Variants in APOB observed in about 807,000 individuals in gnomAD.
The protein encoded by APOB is apolipoprotein B.
In APOB, 153 loss-of-function variants were observed where a neutral mutation model predicts 314.1. That is an observed-to-expected ratio of 0.49 (90% confidence interval 0.43 to 0.56). The LOEUF (loss-of-function observed/expected upper bound fraction) is 0.56. Ranked by LOEUF, APOB falls within the 20% of genes least tolerant of loss-of-function variation. The pLI is 0.00. For synonymous variants in APOB, 2,087 were observed against 2,036.4 expected, an observed-to-expected ratio of 1.02 and a Z score of -0.67; for missense variants, 5,430 against 5,350.7, an observed-to-expected ratio of 1.01 and a Z score of -0.46.
At chr2:21,036,237 G>A (rs1029027210) in intron 6 of APOB, among the ~76,000 whole-genome samples, 7 of 152,174 alleles carry the variant, frequency 4.6e-5, no homozygotes, top group Non-Finnish European at 1.0e-4. Flanking sequence ...AGCATCCTGA[G>A]GGGAAGGTCC....
intron 19 of APOB, 133 bp from the exon 20 acceptor site, chr2:21,019,246 T>A: frequency 1.7e-6 from 2 of 1,200,416 alleles, no homozygotes; most frequent in Non-Finnish European, 2.4e-6. Flanking sequence ...TGCCCTTAAC[T>A]AAGATGATCT....
At chr2:21,037,054 A>G (rs1440103146) in intron 6 of APOB, 46 bp downstream of exon 6, 1 of 1,612,854 alleles carries the variant, frequency 6.2e-7, no homozygotes, top group Non-Finnish European at 8.5e-7. Flanking sequence ...TGTATTAATA[A>G]GAGGATGCTC....
rs752032737 is a variant in APOB, at chr2:21,032,364, C to T, written c.1342G>A (p.Ala448Thr). The T allele has an allele frequency of 1.6e-5, 26 of 1,613,212 alleles. No individual in the cohort carries two copies. The East Asian group carries it at 2.7e-4, about 17-fold the overall frequency. The change falls in exon 10 of 29, where the codon GCG becomes ACG. Residue 448 changes from alanine (A) to threonine (T), a missense_variant. Physicochemically the swap from Ala to Thr is moderately conservative, Grantham distance 58 (BLOSUM62 0). Transcript: ENST00000233242. ...AGTGTGGAAACTCACTTGTTGACCGCGTGGCTCAGCGCATACAAGGTGGCT... is the reference window on the plus strand; with the variant it reads ...AGTGTGGAAACTCACTTGTTGACCGTGTGGCTCAGCGCATACAAGGTGGCT... The part of the protein sequence containing the change: ...SRATLYALSH[A>T]VNNYHKTNPT...
chr2:21,008,226 A>G lies in APOB; in HGVS notation c.8642T>C (p.Leu2881Pro), dbSNP rs1164472785. ...GTATTTAGTGTTGCTATCCAGGGTAAGCTGATTGTTTATCTTGACAATCAC... is the reference window on the plus strand; with the variant it reads ...GTATTTAGTGTTGCTATCCAGGGTAGGCTGATTGTTTATCTTGACAATCAC... ...NGVIVKINNQLTLDSNTKYFH... is the reference protein window; with the variant it reads ...NGVIVKINNQPTLDSNTKYFH... Residue 2881 changes from leucine to proline, a missense_variant, in exon 26 of 29, where the codon CTT becomes CCT. By Grantham distance (98) the Leu-to-Pro change is moderately conservative. Transcript: ENST00000233242. 1 of 1,613,964 alleles carries G rather than the reference A, an allele frequency of 6.2e-7. No individual in the cohort carries two copies. The highest frequency in any genetic ancestry group is 8.5e-7 in the Non-Finnish European group (1 of 1,179,972).
Position 21,002,957 on chromosome 2 carries a change from C to T in APOB, c.12465G>A (p.Leu4155=), listed in dbSNP as rs751630885. ...AACTGGCTTGGCCTTCCTGAGTCAACAGTTCCTGGTACAGATTCTGGGCCT... is the reference window on the plus strand; with the variant it reads ...AACTGGCTTGGCCTTCCTGAGTCAATAGTTCCTGGTACAGATTCTGGGCCT... ...KDKAQNLYQE[L]LTQEGQASFQ... is the part of the protein sequence containing the mutation. Residue 4155 remains leucine (L), a synonymous_variant, in exon 29 of 29, where the codon CTG becomes CTA. Coordinates refer to ENST00000233242, the MANE Select transcript of APOB (RefSeq NM_000384.3). The T allele has an allele frequency of 1.9e-6, 3 of 1,609,588 alleles. No individual in the cohort carries two copies. The highest frequency in any genetic ancestry group is 2.7e-5 in the African/African-American group (2 of 74,954).
chr2:21,023,391 A>G, intron 17 of APOB, 134 bp downstream of exon 17: 1 of 1,093,188 alleles, frequency 9.1e-7, no homozygotes. Context: ...TTTTCATAAA[A>G]AAATAATGAG....
Position 21,001,797 on chromosome 2 carries a change from A to G in APOB, c.13625T>C (p.Leu4542Pro). 1 of 1,614,072 alleles carries G rather than the reference A, an allele frequency of 6.2e-7. No individual in the cohort carries two copies. The highest frequency in any genetic ancestry group is 1.1e-5 in the South Asian group (1 of 91,078). ...LIYITELLKK[L>P]QSTTVMNPYM... ...GGGGTTCATGACTGTGGTTGATTGC[A>G]GCTTTTTCAGTAACTCCGTGATGTA... Residue 4542 changes from leucine (L) to proline (P), a missense_variant, in exon 29 of 29, where the codon CTG becomes CCG. Physicochemically the swap from Leu to Pro is moderately conservative, Grantham distance 98. Transcript: ENST00000233242.
rs1318539502 is a variant in APOB, at chr2:21,040,968, T to C, written c.353A>G (p.Asn118Ser). Residue 118 changes from asparagine to serine, a missense_variant, in exon 4 of 29, where the codon AAC (asparagine) becomes AGC (serine). By Grantham distance (46) the Asn-to-Ser change is conservative (BLOSUM62 1). Transcript: ENST00000233242. ...EGKALLKKTK[N>S]SEEFAAAMSR... The stretch of plus-strand genomic sequence containing the variant: ...CATGGCTGCAGCAAACTCCTCAGAG[T>C]TCTTGGTTTTCTTCAGCAAGGCTTT... 1 of 1,613,816 alleles carries C rather than the reference T, an allele frequency of 6.2e-7. No homozygotes were observed. Among genetic ancestry groups the C allele is most frequent in the Non-Finnish European group, 8.5e-7 (1 of 1,179,954 alleles).
At chr2:21,019,987 C>T (rs185474731) in intron 18 of APOB, 82 bp from the exon 19 acceptor site, 5 of 1,256,998 alleles carry the variant, frequency 4.0e-6, no homozygotes, top group South Asian at 1.2e-5. Flanking sequence ...TGCAAATACC[C>T]CCTTATCCTC....
chr2:21,008,896 T>C lies in APOB; in HGVS notation c.7972A>G (p.Ile2658Val). The C allele has an allele frequency of 6.2e-7, 1 of 1,614,054 alleles. No homozygotes were observed. The highest frequency in any genetic ancestry group is 8.5e-7 in the Non-Finnish European group (1 of 1,179,934). Residue 2658 changes from isoleucine (I) to valine (V), a missense_variant, in exon 26 of 29, where the codon ATT (isoleucine) becomes GTT (valine). Ile to Val is a conservative substitution (Grantham distance 29). Around this residue, in one of 3 missense-constraint regions of APOB, gnomAD observed 3,281 missense variants for 3,171.0 expected, o/e 1.03. Coordinates refer to ENST00000233242, the MANE Select transcript of APOB (RefSeq NM_000384.3). ...PEFTILNTFH[I>V]PSFTIDFVEM... is the part of the protein sequence containing the mutation. ...ACAAAGTCAATTGTAAAGGAAGGAA[T>C]GTGGAAGGTGTTAAGGATGGTAAAT...
Position 21,043,989 on chromosome 2 carries a change from G to T in APOB, c.-44C>A. 1 of 1,059,494 alleles carries T rather than the reference G, an allele frequency of 9.4e-7. No homozygotes were observed. Among genetic ancestry groups the T allele is most frequent in the Non-Finnish European group, 1.2e-6 (1 of 833,882 alleles). 65.6% of individuals were successfully genotyped at this position (1,059,494 alleles called of 1,614,324 possible). On this transcript the variant is annotated 5_prime_UTR_variant, in exon 1 of 29. Coordinates refer to ENST00000233242, the MANE Select transcript of APOB (RefSeq NM_000384.3). ...GGCTCCTGGGCTGCGGCCTGGCCTC[G>T]GCCTCGCGGCCCTGGCTGGCTGGGC...
intron 20 of APOB, among the ~76,000 whole-genome samples, chr2:21,017,043 A>G (rs1012679899): frequency 1.5e-4 from 10 of 68,064 alleles, no homozygotes; most frequent in Non-Finnish European, 3.5e-4. Context: ...ATAAATAAAT[A>G]AAGAAGCTAT....
chr2:21,022,939 G>T lies in APOB; in HGVS notation c.2708C>A (p.Thr903Asn). 2 of 1,614,146 alleles carry T rather than the reference G, an allele frequency of 1.2e-6. No individual in the cohort carries two copies. Among genetic ancestry groups the T allele is most frequent in the East Asian group, 2.2e-5 (1 of 44,890 alleles). ...DFARSGVQMN[T>N]NFFHESGLEA... ...CAGACCCGACTCGTGGAAGAAGTTGGTGTTCATCTGGACCCCACTCCTAGC... is the reference window on the plus strand; with the variant it reads ...CAGACCCGACTCGTGGAAGAAGTTGTTGTTCATCTGGACCCCACTCCTAGC... The change falls in exon 18 of 29, where the codon ACC becomes AAC. Residue 903 changes from threonine (T) to asparagine (N), a missense_variant. Transcript: ENST00000233242.
rs767507109 is a variant in APOB at position 21,027,836 on chromosome 2, G to A, written c.2059C>T (p.Leu687Phe). 6.2e-6 allele frequency: 10 copies of A among 1,612,100 alleles called. No homozygotes were observed. In the South Asian group the frequency reaches 9.9e-5, roughly 16 times the overall value. Residue 687 changes from leucine (L) to phenylalanine (F), a missense_variant, in exon 14 of 29, where the codon CTC (leucine) becomes TTC (phenylalanine). Physicochemically the swap from Leu to Phe is conservative, Grantham distance 22. Around this residue, in one of 3 missense-constraint regions of APOB, gnomAD observed 2,085 missense variants for 2,079.7 expected, o/e 1.00. Transcript: ENST00000233242. ...LTAFGFASAD[L>F]IEIGLEGKGF... ...AAACTCTTCACACTTACCTCGATGA[G>A]GTCAGCTGAAGCAAATCCAAAGGCA... is the stretch of plus-strand genomic sequence containing the variant.
Position 21,027,994 on chromosome 2 carries a change from G to C in APOB, c.1901C>G (p.Ser634Cys). The C allele has an allele frequency of 6.2e-7, 1 of 1,614,132 alleles. No homozygotes were observed. ...AGATTTGTAGAGTTGATAGTTCCGAGAGAATTTTCTGAAGTCCATGACAGT... is the reference window on the plus strand; with the variant it reads ...AGATTTGTAGAGTTGATAGTTCCGACAGAATTTTCTGAAGTCCATGACAGT... ...LPTVMDFRKF[S>C]RNYQLYKSVS... The change falls in exon 14 of 29, where the codon TCT becomes TGT. Residue 634 changes from serine (S) to cysteine (C), a missense_variant. Around this residue, in one of 3 missense-constraint regions of APOB, gnomAD observed 2,085 missense variants for 2,079.7 expected, o/e 1.00. Transcript: ENST00000233242.
At chr2:21,023,411 A>G (rs1347765503) in intron 17 of APOB, 114 bp downstream of exon 17, 4 of 1,264,896 alleles carry the variant, frequency 3.2e-6, no homozygotes, top group African/African-American at 3.0e-5. Context: ...GGTGATTACA[A>G]TGATGAAGCA....
Position 21,009,454 on chromosome 2 carries a change from C to A in APOB, c.7414G>T (p.Glu2472Ter), listed in dbSNP as rs780700057. 1 of 1,614,044 alleles carries A rather than the reference C, an allele frequency of 6.2e-7. No homozygotes were observed. The highest frequency in any genetic ancestry group is 1.1e-5 in the South Asian group (1 of 91,076). Reference protein sequence around the residue: ...KAEALKLFLEETKATVAVYLE... With the variant: ...KAEALKLFLE ...TACACTGCAACTGTGGCCTTGGTTT[C>A]CTCTAAAAACAGTTTTAATGCTTCA... Residue 2472 changes from glutamate to a stop codon, truncating the protein, a stop_gained, in exon 26 of 29, where the codon GAA (glutamate) becomes TAA (stop). Transcript: ENST00000233242. LOFTEE classifies it high-confidence loss of function.
rs757305810 is a variant in APOB at position 21,028,519 on chromosome 2, TGAA to T, written c.1634_1636del (p.Leu545del). ...CGGAGAAGCATCATCAAGGAAAGTC[TGAA>T]GAAGAACCTCCTGGTCCTGCAGTCA... On this transcript the variant is annotated inframe_deletion, in exon 13 of 29. Transcript: ENST00000233242. 1.9e-6 allele frequency: 3 copies of T among 1,612,932 alleles called. No individual in the cohort carries two copies. In the South Asian group the frequency reaches 3.3e-5, roughly 18 times the overall value.
At chr2:21,043,323 A>C (rs2103389756) in intron 2 of APOB, among the ~76,000 whole-genome samples, 190 bp downstream of exon 2, 1 of 152,104 alleles carries the variant, frequency 6.6e-6, no homozygotes, top group East Asian at 2.0e-4. Flanking sequence ...ACAGAACAGA[A>C]GGCCAGGTAG....
Sources: allele counts gnomAD v4.1 joint callset (sites outside exome capture counted in the v4.1 genomes callset), GRCh38; gene constraint gnomAD v4.1.1; regional missense constraint gnomAD v4.1.1; transcripts MANE v1.5; gene names NCBI Gene and HGNC (gene_info 2026-07-23, HGNC 2026-07-21).